VSIG8: variants seen among roughly 807,000 people sequenced by gnomAD.
VSIG8 encodes the protein V-set and immunoglobulin domain containing 8, also known as V-set and immunoglobulin domain-containing protein 8.
Under a neutral mutation model 42.6 loss-of-function variants are expected in VSIG8, and 32 were observed. The ratio of observed to expected loss-of-function variants is 0.75; its 90% CI spans 0.57 to 1.01. VSIG8 has a LOEUF of 1.01. Ranked by LOEUF, VSIG8 falls within the 50% of genes least tolerant of loss-of-function variation. The pLI, the probability that VSIG8 is intolerant of heterozygous loss-of-function variation, is 0.00. For missense variants in VSIG8, 529 were observed against 558.0 expected (o/e 0.95, Z 0.52); for synonymous variants, 290 against 243.8 (o/e 1.19, Z -1.77).
rs771055406 is a variant in VSIG8, at chr1:159,855,057, G to A, written c.972-31C>T. 5.6e-5 allele frequency: 88 copies of A among 1,567,240 alleles called. No homozygotes were observed. In the East Asian group the frequency reaches 2.1e-3, roughly 37 times the overall value. Reference sequence around the variant, plus strand: ...GAAAACAACAGGCGGGCGGGTGAGCGGGCTGCTCCGCAGCGGGGCGTGGGC... The same window carrying A: ...GAAAACAACAGGCGGGCGGGTGAGCAGGCTGCTCCGCAGCGGGGCGTGGGC... On this transcript the variant is annotated intron_variant, in intron 6 of 6. Transcript: ENST00000368100.
chr1:159,858,285 T>C lies in VSIG8; in HGVS notation c.235A>G (p.Ser79Gly). The change falls in exon 3 of 7, where the codon AGT (serine) becomes GGT (glycine). Residue 79 changes from serine (S) to glycine (G), a missense_variant. By Grantham distance (56) the Ser-to-Gly change is moderately conservative. Coordinates refer to ENST00000368100, the MANE Select transcript of VSIG8 (RefSeq NM_001013661.1). ...PAHHRENVFL[S>G]YQDKRINHGS... is the part of the protein sequence containing the mutation. The stretch of plus-strand genomic sequence containing the variant: ...TGGTTGATCCTCTTGTCCTGGTAAC[T>C]AAGGAACTGTGAAGAGGAGAGGAAA... The C allele has an allele frequency of 6.2e-7, 1 of 1,614,068 alleles. No individual in the cohort carries two copies. The highest frequency in any genetic ancestry group is 8.5e-7 in the Non-Finnish European group (1 of 1,179,996).
At position 159,862,488 on chromosome 1, in the gene VSIG8, C is replaced by G. The variant is rs142337981; in HGVS notation, c.34G>C (p.Val12Leu). 7.4e-6 allele frequency: 12 copies of G among 1,613,066 alleles called. No homozygotes were observed. In the Admixed American group the frequency reaches 1.5e-4, roughly 20 times the overall value. Residue 12 changes from valine to leucine, a missense_variant, in exon 1 of 7, where the codon GTG (valine) becomes CTG (leucine). Transcript: ENST00000368100. ...RVGGAFHLLL[V>L]CLSPALLSAV... is the part of the protein sequence containing the mutation. ...AGCCCCGTACCTGGGCTCAGGCACA[C>G]GAGTAGAAGGTGGAATGCTCCTCCA... is the stretch of plus-strand genomic sequence containing the variant.
intron 1 of VSIG8, among the ~76,000 whole-genome samples, chr1:159,860,102 T>C (rs1238375163): frequency 6.6e-6 from 1 of 152,192 alleles, no homozygotes; most frequent in Non-Finnish European, 1.5e-5. Flanking sequence ...TGAGTCAACA[T>C]GTCTTCTGGA....
chr1:159,858,369 T>C (rs1648914638), intron 2 of VSIG8, 78 bp from the exon 3 acceptor site: 2 of 1,413,086 alleles, frequency 1.4e-6, no homozygotes, highest in Non-Finnish European at 2.0e-6. Flanking sequence ...CTTTGGGCAA[T>C]TCACTGAACT....
In VSIG8 at chr1:159,858,278, T is replaced by A; in HGVS notation, c.242A>T (p.Gln81Leu). ...HHRENVFLSY[Q>L]DKRINHGSLP... ...GCTGCCATGGTTGATCCTCTTGTCCTGGTAACTAAGGAACTGTGAAGAGGA... is the reference window on the plus strand; with the variant it reads ...GCTGCCATGGTTGATCCTCTTGTCCAGGTAACTAAGGAACTGTGAAGAGGA... The change falls in exon 3 of 7, where the codon CAG (glutamine) becomes CTG (leucine). Residue 81 changes from glutamine to leucine, a missense_variant. Gln to Leu is a moderately radical substitution (Grantham distance 113). Coordinates refer to ENST00000368100, the MANE Select transcript of VSIG8 (RefSeq NM_001013661.1). The A allele has an allele frequency of 1.2e-6, 2 of 1,614,204 alleles. No homozygotes were observed. The highest frequency in any genetic ancestry group is 1.1e-5 in the South Asian group (1 of 91,084).
chr1:159,861,290 G>C (rs142376738), intron 1 of VSIG8: 2 of 152,130 alleles, frequency 1.3e-5, no homozygotes, highest in African/African-American at 2.4e-5. Flanking sequence ...CAATAGTGGT[G>C]CCTACTCTCT....
intron 4 of VSIG8, among the ~76,000 whole-genome samples, chr1:159,857,148 T>C (rs2101828920): frequency 6.6e-6 from 1 of 152,332 alleles, no homozygotes; most frequent in East Asian, 1.9e-4. Flanking sequence ...GTAAGCCACT[T>C]GCCTTAAACT....
At chr1:159,855,683 G>C in intron 6 of VSIG8, 200 bp downstream of exon 6, 1 of 950,214 alleles carries the variant, frequency 1.1e-6, no homozygotes, top group South Asian at 4.9e-5. Flanking sequence ...GCAGGGAGCA[G>C]AGGTGAAGAC....
Position 159,862,469 on chromosome 1 carries a change from G to A in VSIG8, c.49+4C>T, listed in dbSNP as rs201391205. On this transcript the variant is annotated splice_donor_region_variant and intron_variant, in intron 1 of 6. Transcript: ENST00000368100. ...GCTACCCTGCCCCCTGCCCAGCCCC[G>A]TACCTGGGCTCAGGCACACGAGTAG... is the stretch of plus-strand genomic sequence containing the variant. The A allele has an allele frequency of 4.5e-5, 73 of 1,611,962 alleles. No homozygotes were observed. In the African/African-American group the frequency reaches 5.9e-4, roughly 13 times the overall value.
rs578144083 is a variant in VSIG8 at position 159,858,812 on chromosome 1, A to C, written c.150T>G (p.Pro50=). ...CCAGCCCATTGGGACCATAGTCCTCAGGGTCCAGGACGTAGGGGCAGCCCA... is the reference window on the plus strand; with the variant it reads ...CCAGCCCATTGGGACCATAGTCCTCCGGGTCCAGGACGTAGGGGCAGCCCA... ...VRLGCPYVLD[P]EDYGPNGLDI... is the part of the protein sequence containing the mutation. The change falls in exon 2 of 7, where the codon CCT becomes CCG. Residue 50 remains proline, a synonymous_variant. Transcript: ENST00000368100. 6.2e-7 allele frequency: 1 copy of C among 1,613,862 alleles called. No homozygotes were observed. The highest frequency in any genetic ancestry group is 1.3e-5 in the African/African-American group (1 of 74,868).
rs753790233 is a variant in VSIG8, at chr1:159,855,149, C to G, written c.972-123G>C. 3.9e-5 allele frequency: 61 copies of G among 1,551,546 alleles called. No homozygotes were observed. The Admixed American group carries it at 1.2e-3, about 29-fold the overall frequency. The stretch of plus-strand genomic sequence containing the variant: ...TCCCGCGCCTCCCTCCACCTGCCCT[C>G]GTCTCTCTCCCTCGGCCTCGACCTA... On this transcript the variant is annotated intron_variant, in intron 6 of 6. Coordinates refer to ENST00000368100, the MANE Select transcript of VSIG8 (RefSeq NM_001013661.1).
intron 2 of VSIG8, 24 bp downstream of exon 2, chr1:159,858,710 G>A (rs1407972385): frequency 1.3e-6 from 2 of 1,585,642 alleles, no homozygotes; most frequent in Non-Finnish European, 1.7e-6. Context: ...CTAGAGGAAG[G>A]AGACCCCTGT....
chr1:159,856,646 GAAAGT>G lies in VSIG8; in HGVS notation c.653-8_653-4del, dbSNP rs761134040. The G allele has an allele frequency of 2.0e-5, 33 of 1,613,612 alleles. No individual in the cohort carries two copies. Among genetic ancestry groups the G allele is most frequent in the Middle Eastern group, 1.6e-4 (1 of 6,084 alleles). ...CACCAGGTCCCCATTGTTCAGGCCT[GAAAGT>G]GAAGTGGAGAGAGGCCTGGTCTCTG... On this transcript the variant is annotated splice_region_variant and splice_polypyrimidine_tract_variant and intron_variant, in intron 4 of 6. Coordinates refer to ENST00000368100, the MANE Select transcript of VSIG8 (RefSeq NM_001013661.1).
Position 159,856,650 on chromosome 1 carries a change from G to A in VSIG8, c.653-7C>T. On this transcript the variant is annotated splice_region_variant and splice_polypyrimidine_tract_variant and intron_variant, in intron 4 of 6. Transcript: ENST00000368100. The stretch of plus-strand genomic sequence containing the variant: ...AGGTCCCCATTGTTCAGGCCTGAAA[G>A]TGAAGTGGAGAGAGGCCTGGTCTCT... 6.2e-7 allele frequency: 1 copy of A among 1,613,446 alleles called. No individual in the cohort carries two copies. The highest frequency in any genetic ancestry group is 1.1e-5 in the South Asian group (1 of 90,976).
intron 6 of VSIG8, 64 bp from the exon 7 acceptor site, chr1:159,855,090 G>T: frequency 6.4e-7 from 1 of 1,555,978 alleles, no homozygotes. Flanking sequence ...GGCACGGCCT[G>T]GGCAGAGCCG....
Position 159,855,717 on chromosome 1 carries a change from G to A in VSIG8, c.971+166C>T, listed in dbSNP as rs1648793539. The A allele has an allele frequency of 7.4e-6, 7 of 951,926 alleles. No individual in the cohort carries two copies. In the South Asian group the frequency reaches 2.9e-4, roughly 40 times the overall value. 59.0% of individuals were successfully genotyped at this position (951,926 alleles called of 1,614,324 possible). On this transcript the variant is annotated intron_variant, in intron 6 of 6. Transcript: ENST00000368100. The stretch of plus-strand genomic sequence containing the variant: ...ACTGGGGTGGCAGGGGGAGGGGAAA[G>A]CCATGAGTTGGGTGGCAGGTCGACA...
rs751298673 is a variant in VSIG8, at chr1:159,854,754, C to T, written c.1244G>A (p.Ter415=). 8 of 1,478,548 alleles carry T rather than the reference C, an allele frequency of 5.4e-6. No individual in the cohort carries two copies. Among genetic ancestry groups the T allele is most frequent in the African/African-American group, 4.4e-5 (3 of 67,802 alleles). 91.6% of individuals were successfully genotyped at this position (1,478,548 alleles called of 1,614,324 possible). ...PVQCKNGLLV[*] ...CGCAGCCCGGCCCGGCGCGCGCGCT[C>T]ACACCAAGAGGCCGTTCTTGCACTG... Residue 415 remains the stop codon, a stop_retained_variant, in exon 7 of 7, where the codon TGA becomes TAA. Transcript: ENST00000368100.
Position 159,856,017 on chromosome 1 carries a change from C to A in VSIG8, c.837G>T (p.Leu279=). ...VLGSLLALGC[L]AVGIWGLVCC... ...AGACGAGCCCCCAGATGCCTACGGCCAGGCAGCCCAGCGCGAGCAGAGAGC... is the reference window on the plus strand; with the variant it reads ...AGACGAGCCCCCAGATGCCTACGGCAAGGCAGCCCAGCGCGAGCAGAGAGC... Residue 279 remains leucine (L), a synonymous_variant, in exon 6 of 7, where the codon CTG becomes CTT. Transcript: ENST00000368100. The A allele has an allele frequency of 1.2e-6, 2 of 1,611,202 alleles. No homozygotes were observed. Among genetic ancestry groups the A allele is most frequent in the Non-Finnish European group, 1.7e-6 (2 of 1,178,986 alleles).
In VSIG8 at chr1:159,858,168, C is replaced by T; in HGVS notation, c.352G>A (p.Val118Ile). ...CACTCATAAGTGGCTGTATCAGATACCTGCAGGTTCATGAGGTTGATGGAG... is the reference window on the plus strand; with the variant it reads ...CACTCATAAGTGGCTGTATCAGATATCTGCAGGTTCATGAGGTTGATGGAG... ...DASINLMNLQ[V>I]SDTATYECRV... Residue 118 changes from valine to isoleucine, a missense_variant, in exon 3 of 7, where the codon GTA becomes ATA. Val to Ile is a conservative substitution (Grantham distance 29, BLOSUM62 3). Transcript: ENST00000368100. The T allele has an allele frequency of 6.2e-7, 1 of 1,614,194 alleles. No homozygotes were observed. The highest frequency in any genetic ancestry group is 1.1e-5 in the South Asian group (1 of 91,084).
Sources: allele counts gnomAD v4.1 joint callset (sites outside exome capture counted in the v4.1 genomes callset), GRCh38; gene constraint gnomAD v4.1.1; transcripts MANE v1.5; gene names NCBI Gene and HGNC (gene_info 2026-07-23, HGNC 2026-07-21).